The following STK32B variants were observed in gnomAD, a reference collection of about 807,000 sequenced individuals.
STK32B encodes serine/threonine kinase 32B.
STK32B carries 43 observed loss-of-function variants against 52.6 expected under a neutral mutation model. The ratio of observed to expected loss-of-function variants is 0.82; its 90% CI spans 0.64 to 1.05. STK32B has a LOEUF of 1.05. Ranked by LOEUF, STK32B falls within the 50% of genes least tolerant of loss-of-function variation. STK32B has a pLI of 0.00. For synonymous variants in STK32B, 238 were observed against 204.3 expected (o/e 1.17, Z -1.41); for missense variants, 621 against 534.6 (o/e 1.16, Z -1.59).
At chr4:5,446,037 C>G (rs563748165) in intron 6 of STK32B, among the ~76,000 whole-genome samples, 1 of 152,196 alleles carries the variant, frequency 6.6e-6, no homozygotes, top group Non-Finnish European at 1.5e-5. Flanking sequence ...TTACCCCACC[C>G]GTTCTCCCAG....
chr4:5,265,686 A>G (rs1386413906), intron 3 of STK32B, among the ~76,000 whole-genome samples: 1 of 151,974 alleles, frequency 6.6e-6, no homozygotes, highest in Non-Finnish European at 1.5e-5. Context: ...ATGCTAATAA[A>G]CCTTTCCACA....
rs113515079 is a variant in STK32B at position 5,195,809 on chromosome 4, C to T, written c.260+27359C>T. Among the ~76,000 whole-genome samples, 353 of 152,340 alleles carry T rather than the reference C, an allele frequency of 2.3e-3. No homozygotes were observed. The Middle Eastern group carries it at 0.024, about 10-fold the overall frequency. On this transcript the variant is annotated intron_variant, in intron 3 of 11. Coordinates refer to ENST00000282908, the MANE Select transcript of STK32B (RefSeq NM_018401.3). ...ACCTCACTTGGTCATATGTGCACCA[C>T]CTTCCTGTCTGAGAACCACCTGCAC...
chr4:5,452,648 G>C (rs1560426217), intron 7 of STK32B, among the ~76,000 whole-genome samples: 2 of 152,018 alleles, frequency 1.3e-5, no homozygotes, highest in Non-Finnish European at 2.9e-5. Context: ...TTGGGATTTT[G>C]AGTAAAAAGA....
chr4:5,167,925 G>C (rs1001609088), intron 2 of STK32B, among the ~76,000 whole-genome samples: 3 of 152,204 alleles, frequency 2.0e-5, no homozygotes, highest in African/African-American at 4.8e-5. Context: ...CGGAGTCTGC[G>C]ACACTCGTGC....
chr4:5,281,007 A>T (rs886235882), intron 3 of STK32B, among the ~76,000 whole-genome samples: 3 of 152,322 alleles, frequency 2.0e-5, no homozygotes, highest in Non-Finnish European at 2.9e-5. Context: ...AAAGCTGTAC[A>T]GGAGGCGTGG....
At chr4:5,364,215 T>G (rs1395466350) in intron 4 of STK32B, among the ~76,000 whole-genome samples, 2 of 152,232 alleles carry the variant, frequency 1.3e-5, no homozygotes, top group Non-Finnish European at 2.9e-5. Flanking sequence ...GTACAGCATC[T>G]TGTCATAATT....
chr4:5,058,036 G>T lies in STK32B; in HGVS notation c.52+6121G>T, dbSNP rs1330250603. Among the ~76,000 whole-genome samples, 1 of 152,204 alleles carries T rather than the reference G, an allele frequency of 6.6e-6. No homozygotes were observed. Among genetic ancestry groups the T allele is most frequent in the South Asian group, 2.1e-4 (1 of 4,830 alleles). On this transcript the variant is annotated intron_variant, in intron 1 of 11. Coordinates refer to ENST00000282908, the MANE Select transcript of STK32B (RefSeq NM_018401.3). The surrounding 1 kb of genome is among the most constrained non-coding windows in gnomAD (Gnocchi z 4.8). ...AACCAAGGAAAAGATGGATGTCAACGTTGTTAGCAATCCTGGAGTCTTCTT... is the reference window on the plus strand; with the variant it reads ...AACCAAGGAAAAGATGGATGTCAACTTTGTTAGCAATCCTGGAGTCTTCTT...
At chr4:5,437,329 G>GCCAT (rs1053729843) in intron 6 of STK32B, among the ~76,000 whole-genome samples, 3 of 152,242 alleles carry the variant, frequency 2.0e-5, no homozygotes, top group African/African-American at 7.2e-5. Context: ...GGCCAGCAGG[G>GCCAT]CCATGTGCCC....
chr4:5,390,962 A>ATGTTT (rs1736558850), intron 4 of STK32B, among the ~76,000 whole-genome samples: 1 of 121,062 alleles, frequency 8.3e-6, no homozygotes, highest in African/African-American at 3.4e-5. Flanking sequence ...TCTCTTTTCT[A>ATGTTT]TCTTTTTTTT....
At chr4:5,326,715 G>T (rs1731902889) in intron 3 of STK32B, among the ~76,000 whole-genome samples, 1 of 152,178 alleles carries the variant, frequency 6.6e-6, no homozygotes, top group Non-Finnish European at 1.5e-5. Context: ...CTTTTTGCAG[G>T]TGGAGGGTCT....
intron 3 of STK32B, among the ~76,000 whole-genome samples, chr4:5,185,316 G>C (rs1006264945): frequency 6.6e-6 from 1 of 152,160 alleles, no homozygotes; most frequent in African/African-American, 2.4e-5. Flanking sequence ...ACAGATGTCA[G>C]AAGTTAGTTT....
intron 3 of STK32B, among the ~76,000 whole-genome samples, chr4:5,299,763 C>T (rs1030504734): frequency 6.6e-6 from 1 of 151,924 alleles, no homozygotes; most frequent in African/African-American, 2.4e-5. Context: ...TTTTTGGCTC[C>T]ATATACCATG....
At chr4:5,489,364 A>G (rs1230127309) in intron 11 of STK32B, among the ~76,000 whole-genome samples, 1 of 152,204 alleles carries the variant, frequency 6.6e-6, no homozygotes, top group Non-Finnish European at 1.5e-5. Context: ...AGTTAAATGC[A>G]TGGTTTCCTG....
At chr4:5,350,144 A>G (rs1027743901) in intron 4 of STK32B, among the ~76,000 whole-genome samples, 10 of 152,178 alleles carry the variant, frequency 6.6e-5, no homozygotes, top group African/African-American at 2.4e-4. Flanking sequence ...GATACAATTC[A>G]AAAAGGTTTA....
chr4:5,130,171 C>A (rs184168644), intron 1 of STK32B, among the ~76,000 whole-genome samples: 1 of 149,738 alleles, frequency 6.7e-6, no homozygotes, highest in African/African-American at 2.5e-5. Flanking sequence ...CCTTCTCCGG[C>A]GGGGGGAGGC....
chr4:5,441,605 C>G (rs1714766042), intron 6 of STK32B, among the ~76,000 whole-genome samples: 3 of 152,078 alleles, frequency 2.0e-5, no homozygotes, highest in Non-Finnish European at 4.4e-5. Flanking sequence ...CTATTTCCTT[C>G]AGTTCTGCTC....
chr4:5,160,209 G>A (rs566973262), intron 2 of STK32B, among the ~76,000 whole-genome samples: 17 of 152,158 alleles, frequency 1.1e-4, no homozygotes, highest in Admixed American at 9.8e-4. Context: ...TTCTTGGGCC[G>A]CTTTGCACAT....
chr4:5,101,529 AT>A (rs1481693945), intron 1 of STK32B, among the ~76,000 whole-genome samples: 1 of 152,130 alleles, frequency 6.6e-6, no homozygotes, highest in African/African-American at 2.4e-5. Flanking sequence ...AAATGCTGTT[AT>A]TTTTTCAAGA....
the STK32B span, among the ~76,000 whole-genome samples, chr4:5,041,172 G>A: frequency 6.6e-6 from 1 of 152,128 alleles, no homozygotes; most frequent in Non-Finnish European, 1.5e-5. Flanking sequence ...TCAGGGAAAT[G>A]GGTGGGTTCA....
Sources: gnomAD v4.1 joint callset for allele counts (sites outside exome capture counted in the v4.1 genomes callset) on GRCh38, gnomAD v4.1.1 for gene constraint, Gnocchi (gnomAD v3.1) non-coding constraint, MANE v1.5 for transcripts, NCBI Gene and HGNC (gene_info 2026-07-23, HGNC 2026-07-21) for gene names.